Variants in GPHN observed in about 807,000 individuals in gnomAD.
GPHN encodes the protein gephyrin.
GPHN carries 17 observed loss-of-function variants against 95.5 expected under a neutral mutation model. That is an observed-to-expected ratio of 0.18 (90% CI 0.12 to 0.27). The LOEUF (loss-of-function observed/expected upper bound fraction) is 0.27, where lower values mean the gene tolerates loss of function less well. Among genes scored for constraint, GPHN ranks in the 10% least tolerant of loss-of-function variants. The pLI is 1.00. For synonymous variants in GPHN, 320 were observed against 322.5 expected, an observed-to-expected ratio of 0.99 and a Z score of 0.08; for missense variants, 660 against 978.1, an observed-to-expected ratio of 0.67 and a Z score of 4.34.
the GPHN span, among the ~76,000 whole-genome samples, chr14:67,510,706 CA>C: frequency 6.6e-6 from 1 of 152,136 alleles, no homozygotes; most frequent in African/African-American, 2.4e-5. Flanking sequence ...TGGCTTTGAA[CA>C]GGCCTTTTTG....
At chr14:66,898,028 T>G (rs2064943528) in intron 5 of GPHN, among the ~76,000 whole-genome samples, 1 of 152,088 alleles carries the variant, frequency 6.6e-6, no homozygotes, top group Non-Finnish European at 1.5e-5. Flanking sequence ...TGTTCAGGTG[T>G]TTTGCCTATT....
chr14:67,383,629 C>A, the GPHN span: 1 of 706,874 alleles, frequency 1.4e-6, no homozygotes. Context: ...CACACAGTAG[C>A]TCCAACACTT....
chr14:66,674,578 C>G (rs1418918943), intron 1 of GPHN, among the ~76,000 whole-genome samples: 1 of 152,196 alleles, frequency 6.6e-6, no homozygotes, highest in Non-Finnish European at 1.5e-5. Context: ...ATCTCTCTGA[C>G]TTATTTCACA....
At chr14:66,622,914 T>G (rs1332384649) in intron 1 of GPHN, among the ~76,000 whole-genome samples, 2 of 152,210 alleles carry the variant, frequency 1.3e-5, no homozygotes, top group Non-Finnish European at 2.9e-5. Context: ...TGTCCCAATC[T>G]CTGCCTGTTA....
At chr14:67,300,840 C>CT in the GPHN span, among the ~76,000 whole-genome samples, 9 of 150,772 alleles carry the variant, frequency 6.0e-5, no homozygotes, top group South Asian at 4.2e-4. Context: ...GACTGTCAGT[C>CT]TTTTTTTTTA....
chr14:67,433,279 T>A, the GPHN span, among the ~76,000 whole-genome samples: 1 of 151,956 alleles, frequency 6.6e-6, no homozygotes, highest in Non-Finnish European at 1.5e-5. Context: ...AGCTACATGG[T>A]TTGGTGTCAA....
At chr14:67,662,885 A>C in the GPHN span, 4 of 1,192,238 alleles carry the variant, frequency 3.4e-6, no homozygotes, top group Admixed American at 9.3e-5. Flanking sequence ...CCTGGGCAAT[A>C]GAGCAAGACT....
At chr14:67,110,913 C>CTT (rs1192922411) in intron 14 of GPHN, among the ~76,000 whole-genome samples, 2 of 152,164 alleles carry the variant, frequency 1.3e-5, no homozygotes, top group African/African-American at 4.8e-5. Flanking sequence ...CTAAGCAAGC[C>CTT]TTTATCTCAC....
intron 3 of GPHN, among the ~76,000 whole-genome samples, chr14:66,819,750 AT>A (rs1300517145): frequency 6.6e-6 from 1 of 152,200 alleles, no homozygotes; most frequent in East Asian, 1.9e-4. Context: ...CAGTAAAAAA[AT>A]AAAATGTACT....
At chr14:66,652,525 G>GGTT (rs138518230) in intron 1 of GPHN, among the ~76,000 whole-genome samples, 3 of 149,684 alleles carry the variant, frequency 2.0e-5, no homozygotes, top group African/African-American at 7.4e-5. Context: ...TTTTTTGTGG[G>GGTT]TTTTTTTTTC....
the GPHN span, among the ~76,000 whole-genome samples, chr14:67,697,857 T>C: frequency 6.6e-6 from 1 of 152,202 alleles, no homozygotes; most frequent in African/African-American, 2.4e-5. Context: ...AGCTCCACAC[T>C]CAGAGTTTAT....
At chr14:67,125,036 C>T (rs749031514) in intron 17 of GPHN, among the ~76,000 whole-genome samples, 1 of 151,952 alleles carries the variant, frequency 6.6e-6, no homozygotes, top group Non-Finnish European at 1.5e-5. Flanking sequence ...AAACTATAAA[C>T]AGGTTAAGGC....
intron 1 of GPHN, among the ~76,000 whole-genome samples, chr14:66,596,427 G>A (rs1404647337): frequency 6.6e-6 from 1 of 152,022 alleles, no homozygotes; most frequent in Non-Finnish European, 1.5e-5. Context: ...GGTGCCCATG[G>A]TGCCCAGGCT....
chr14:67,439,593 C>CTTTCTTTTTTTCTTTCTTTCTTTCT, the GPHN span, among the ~76,000 whole-genome samples: 5 of 109,846 alleles, frequency 4.6e-5, no homozygotes, highest in African/African-American at 1.7e-4. Context: ...TTCTTTCTTT[C>CTTTCTTTTTTTCTTTCTTTCTTTCT]TTCTTTCTTT....
At chr14:66,599,860 T>C (rs2062152023) in intron 1 of GPHN, among the ~76,000 whole-genome samples, 1 of 152,022 alleles carries the variant, frequency 6.6e-6, no homozygotes, top group South Asian at 2.1e-4. Flanking sequence ...TATCTATATC[T>C]ATATGTATTC....
chr14:67,199,271 A>G, the GPHN span: 1 of 1,600,000 alleles, frequency 6.3e-7, no homozygotes, highest in East Asian at 2.2e-5. Context: ...TGACTATGCC[A>G]TTAAGATCAT....
chr14:67,374,707 C>G, the GPHN span: 1 of 444,398 alleles, frequency 2.3e-6, no homozygotes, highest in Non-Finnish European at 3.9e-6. Context: ...GTTAAATTAA[C>G]TGTGGGTGAC....
intron 2 of GPHN, among the ~76,000 whole-genome samples, chr14:66,748,406 C>G (rs1260691548): frequency 6.6e-6 from 1 of 151,876 alleles, no homozygotes; most frequent in African/African-American, 2.4e-5. Context: ...CAAAATTGAG[C>G]AGACAGCTCA....
chr14:66,729,900 A>C (rs1023949322), intron 2 of GPHN, among the ~76,000 whole-genome samples: 3 of 152,178 alleles, frequency 2.0e-5, no homozygotes, highest in East Asian at 1.9e-4. Flanking sequence ...TTTCAGTTAC[A>C]CTAGTTCTGA....
Sources: allele counts gnomAD v4.1 joint callset (sites outside exome capture counted in the v4.1 genomes callset), GRCh38; gene constraint gnomAD v4.1.1; transcripts MANE v1.5; gene names NCBI Gene and HGNC (gene_info 2026-07-23, HGNC 2026-07-21).